Variants in MTHFD2L observed in about 807,000 individuals in gnomAD.
The protein encoded by MTHFD2L is bifunctional methylenetetrahydrofolate dehydrogenase/cyclohydrolase 2, mitochondrial.
A neutral mutation model predicts 34.9 loss-of-function variants in MTHFD2L; 29 were observed. The observed-to-expected ratio is 0.83, with a 90% CI of 0.62 to 1.13. MTHFD2L has a LOEUF of 1.13. Ranked by LOEUF, MTHFD2L falls within the 50% of genes most tolerant of loss-of-function variation. The pLI, the probability that MTHFD2L is intolerant of heterozygous loss-of-function variation, is 0.00. For synonymous variants in MTHFD2L, 167 were observed against 155.7 expected, an observed-to-expected ratio of 1.07 and a Z score of -0.54; for missense variants, 481 against 446.5, an observed-to-expected ratio of 1.08 and a Z score of -0.70.
At chr4:74,267,243 A>C (rs117785733) in intron 6 of MTHFD2L, 1 of 984,878 alleles carries the variant, frequency 1.0e-6, no homozygotes, top group Non-Finnish European at 1.2e-6. Flanking sequence ...CCCCAAGTGC[A>C]TTGGTGTCTG....
At position 74,250,311 on chromosome 4, in the gene MTHFD2L, A is replaced by T. The variant is rs994275573; in HGVS notation, c.805+24917A>T. 2.0e-5 allele frequency among the ~76,000 whole-genome samples: 3 copies of T among 152,334 alleles called. No homozygotes were observed. In the South Asian group the frequency reaches 6.2e-4, roughly 32 times the overall value. ...ATAATCACACTCTCTAATTTAATTCATGTCTCTGTTTAAATGGTAGATGTG... is the reference window on the plus strand; with the variant it reads ...ATAATCACACTCTCTAATTTAATTCTTGTCTCTGTTTAAATGGTAGATGTG... On this transcript the variant is annotated intron_variant, in intron 6 of 7. Transcript: ENST00000325278.
chr4:74,285,106 T>C (rs141245179), intron 7 of MTHFD2L, among the ~76,000 whole-genome samples: 18,517 of 151,472 alleles, frequency 0.12, 3,054 homozygotes, highest in African/African-American at 0.38. Context: ...AACCAAACAC[T>C]GCATGTTCTC....
chr4:74,146,090 CAGAG>C (rs1410213076), intron 1 of MTHFD2L, among the ~76,000 whole-genome samples: 3 of 152,066 alleles, frequency 2.0e-5, no homozygotes, highest in Non-Finnish European at 4.4e-5. Context: ...GGTTAATAAA[CAGAG>C]AGAAAGATGC....
chr4:74,139,380 G>A (rs1213396401), intron 1 of MTHFD2L, among the ~76,000 whole-genome samples: 1 of 152,198 alleles, frequency 6.6e-6, no homozygotes, highest in Non-Finnish European at 1.5e-5. Context: ...TTGCACAGCA[G>A]AGTATCCAGG....
intron 1 of MTHFD2L, among the ~76,000 whole-genome samples, chr4:74,146,892 A>G (rs1723626390): frequency 6.6e-6 from 1 of 151,620 alleles, no homozygotes; most frequent in African/African-American, 2.4e-5. Context: ...CTTTGAGCTC[A>G]TTTATTATTT....
intron 6 of MTHFD2L, among the ~76,000 whole-genome samples, chr4:74,236,484 G>A (rs1740854516): frequency 6.6e-6 from 1 of 152,214 alleles, no homozygotes; most frequent in Admixed American, 6.5e-5. Context: ...GCCATCCAGT[G>A]TATTCTCTAT....
At chr4:74,145,726 G>T (rs1388442099) in intron 1 of MTHFD2L, among the ~76,000 whole-genome samples, 6 of 152,154 alleles carry the variant, frequency 3.9e-5, no homozygotes, top group African/African-American at 7.2e-5. Flanking sequence ...GGAGGTAACT[G>T]GATCATGGGG....
intron 1 of MTHFD2L, among the ~76,000 whole-genome samples, chr4:74,151,004 A>T (rs1723904888): frequency 6.6e-6 from 1 of 151,982 alleles, no homozygotes; most frequent in Admixed American, 6.5e-5. Context: ...ATAAAGAAAA[A>T]TTGGGTTCTT....
At chr4:74,252,493 A>T (rs551398324) in intron 6 of MTHFD2L, among the ~76,000 whole-genome samples, 38 of 152,368 alleles carry the variant, frequency 2.5e-4, no homozygotes, top group African/African-American at 8.9e-4. Context: ...CATTATGAAG[A>T]TAAAAAAGGG....
At chr4:74,277,140 A>G (rs1362052556) in intron 6 of MTHFD2L, among the ~76,000 whole-genome samples, 9 of 143,706 alleles carry the variant, frequency 6.3e-5, no homozygotes, top group Non-Finnish European at 1.3e-4. Context: ...ACTCACACAA[A>G]TCAGCCAAAG....
chr4:74,165,609 G>T (rs1289398932), intron 1 of MTHFD2L, among the ~76,000 whole-genome samples: 4 of 152,186 alleles, frequency 2.6e-5, no homozygotes, highest in African/African-American at 9.6e-5. Flanking sequence ...ACCCGCCTCG[G>T]CCCCTCAAAG....
chr4:74,243,217 C>T (rs1741958261), intron 6 of MTHFD2L, among the ~76,000 whole-genome samples: 2 of 152,146 alleles, frequency 1.3e-5, no homozygotes, highest in South Asian at 2.1e-4. Flanking sequence ...TTTCTTTTAC[C>T]TGTTTTAACT....
At chr4:74,260,805 A>G (rs1744580820) in intron 6 of MTHFD2L, among the ~76,000 whole-genome samples, 2 of 152,144 alleles carry the variant, frequency 1.3e-5, no homozygotes, top group South Asian at 2.1e-4. Context: ...ACCATAGTGT[A>G]TGAAAAGAAT....
Position 74,174,208 on chromosome 4 carries a change from A to G in MTHFD2L, c.144-298A>G, listed in dbSNP as rs148528699. ...GGTGTAATCACCACCCAAAGGACCT[A>G]CCTCCTAATACCATAACATTTGGGG... On this transcript the variant is annotated intron_variant, in intron 1 of 7. Transcript: ENST00000325278. Among the ~76,000 whole-genome samples the G allele has an allele frequency of 1.8e-3, 279 of 152,198 alleles. 1 individual carries two copies. Among genetic ancestry groups the G allele is most frequent in the Middle Eastern group, 6.8e-3 (2 of 292 alleles).
upstream of MTHFD2L, among the ~76,000 whole-genome samples, chr4:74,122,728 C>T (rs1421694210): frequency 5.3e-5 from 8 of 152,132 alleles, no homozygotes. Flanking sequence ...TGCATTGGAT[C>T]CTGAAACAGT....
chr4:74,293,490 A>G (rs529979062), intron 7 of MTHFD2L: 1 of 980,686 alleles, frequency 1.0e-6, no homozygotes, highest in African/African-American at 1.7e-5. Flanking sequence ...TGACCACAGG[A>G]TGCCACGATA....
chr4:74,267,627 G>T, intron 6 of MTHFD2L: 1 of 597,762 alleles, frequency 1.7e-6, no homozygotes, highest in Non-Finnish European at 2.1e-6. Flanking sequence ...TAGTGACAAG[G>T]TTTCCCTATG....
intron 6 of MTHFD2L, among the ~76,000 whole-genome samples, chr4:74,280,911 A>C (rs752570054): frequency 5.3e-5 from 8 of 152,230 alleles, no homozygotes; most frequent in Non-Finnish European, 8.8e-5. Flanking sequence ...TGAGTATGGC[A>C]CTTTACTGTT....
chr4:74,126,748 T>C (rs1722104395), intron 1 of MTHFD2L, among the ~76,000 whole-genome samples: 1 of 152,160 alleles, frequency 6.6e-6, no homozygotes, highest in Non-Finnish European at 1.5e-5. Flanking sequence ...CATGTACTTG[T>C]ATGATTATTG....
Sources: allele counts gnomAD v4.1 joint callset (sites outside exome capture counted in the v4.1 genomes callset), GRCh38; gene constraint gnomAD v4.1.1; transcripts MANE v1.5; gene names NCBI Gene and HGNC (gene_info 2026-07-23, HGNC 2026-07-21).